Variants in ZC2HC1B observed in about 807,000 individuals in gnomAD.
ZC2HC1B encodes the protein zinc finger C2HC-type containing 1B.
In ZC2HC1B, 36 loss-of-function variants were observed where a neutral mutation model predicts 31.0. The ratio of observed to expected loss-of-function variants is 1.16; its 90% CI spans 0.89 to 1.54. The LOEUF (loss-of-function observed/expected upper bound fraction) is 1.54, where lower values mean the gene tolerates loss of function less well. ZC2HC1B is among the 40% of genes most tolerant of loss of function. ZC2HC1B has a pLI of 0.00. For missense variants in ZC2HC1B, 260 were observed against 268.6 expected, an observed-to-expected ratio of 0.97 and a Z score of 0.22; for synonymous variants, 73 against 88.0, an observed-to-expected ratio of 0.83 and a Z score of 0.95.
At position 143,884,342 on chromosome 6, in the gene ZC2HC1B, A is replaced by G; in HGVS notation, c.67A>G (p.Arg23Gly). ...ATTGTTTCCCTGTGAAGTCTGTGGA[A>G]GACGTTTTGCAGCAGATGTTCTGGT... ...QELFPCEVCG[R>G]RFAADVLERH... Residue 23 changes from arginine to glycine, a missense_variant, in exon 2 of 8, where the codon AGA becomes GGA. Coordinates refer to ENST00000237275, the MANE Select transcript of ZC2HC1B (RefSeq NM_001013623.3). The surrounding 1 kb of genome is among the most constrained non-coding windows in gnomAD (Gnocchi z 5.1). 6.5e-7 allele frequency: 1 copy of G among 1,535,332 alleles called. No individual in the cohort carries two copies. Among genetic ancestry groups the G allele is most frequent in the Non-Finnish European group, 8.8e-7 (1 of 1,134,776 alleles).
Position 143,903,955 on chromosome 6 carries a change from A to C in ZC2HC1B, c.598+803A>C, listed in dbSNP as rs535868910. On this transcript the variant is annotated intron_variant, in intron 6 of 7. Coordinates refer to ENST00000237275, the MANE Select transcript of ZC2HC1B (RefSeq NM_001013623.3). This position sits in a 1 kb window ranked among gnomAD's most constrained non-coding sequence, Gnocchi z 4.3. Reference sequence around the variant, plus strand: ...CTCCATCTGTAGTTGTTAAATCTGCAGATGTGGAACCCATGGGAACAGAGG... The same window carrying C: ...CTCCATCTGTAGTTGTTAAATCTGCCGATGTGGAACCCATGGGAACAGAGG... Among the ~76,000 whole-genome samples the C allele has an allele frequency of 1.3e-5, 2 of 152,302 alleles. No individual in the cohort carries two copies. Among genetic ancestry groups the C allele is most frequent in the Non-Finnish European group, 2.9e-5 (2 of 68,020 alleles).
Position 143,898,457 on chromosome 6 carries a change from T to C in ZC2HC1B, c.350-95T>C, listed in dbSNP as rs1347034542. The C allele has an allele frequency of 2.8e-6, 4 of 1,424,006 alleles. No individual in the cohort carries two copies. The East Asian group carries it at 7.5e-5, about 27-fold the overall frequency. The allele number at this position is 1,424,006 out of a possible 1,614,324, so 88.2% of individuals were successfully genotyped here. On this transcript the variant is annotated intron_variant, in intron 4 of 7. Transcript: ENST00000237275. ...ATTACTGGCATGAGCCATCATATCC[T>C]TATTTCACTTCATGTAGTTCATTCT...
At chr6:143,897,657 A>G (rs1308797318) in intron 4 of ZC2HC1B, among the ~76,000 whole-genome samples, 1 of 150,650 alleles carries the variant, frequency 6.6e-6, no homozygotes, top group Non-Finnish European at 1.5e-5. Flanking sequence ...TCCTATTACT[A>G]TCTCCTTCCT....
At chr6:143,876,896 A>G (rs1305725147) in intron 1 of ZC2HC1B, among the ~76,000 whole-genome samples, 2 of 150,270 alleles carry the variant, frequency 1.3e-5, no homozygotes, top group Admixed American at 6.6e-5. Context: ...GTGCCCACTG[A>G]GATTGAGGGT....
rs1465516851 is a variant in ZC2HC1B at position 143,905,784 on chromosome 6, A to C, written c.598+2632A>C. Among the ~76,000 whole-genome samples, 1 of 152,020 alleles carries C rather than the reference A, an allele frequency of 6.6e-6. No homozygotes were observed. The highest frequency in any genetic ancestry group is 2.4e-5 in the African/African-American group (1 of 41,422). ...CATGAAAGGGTGTTGAATTTTCTCA[A>C]ATGGTTTTTTTTGCATCAATTGAGA... On this transcript the variant is annotated intron_variant, in intron 6 of 7. Coordinates refer to ENST00000237275, the MANE Select transcript of ZC2HC1B (RefSeq NM_001013623.3). This position sits in a 1 kb window ranked among gnomAD's most constrained non-coding sequence, Gnocchi z 4.2.
intron 6 of ZC2HC1B, among the ~76,000 whole-genome samples, chr6:143,904,306 T>G (rs1007975450): frequency 6.6e-6 from 1 of 152,202 alleles, no homozygotes. Context: ...GGTTTATAAA[T>G]ATTCTTTTCT....
In ZC2HC1B at chr6:143,908,131, G is replaced by T. The variant is rs948765556; in HGVS notation, c.598+4979G>T. 2.0e-5 allele frequency among the ~76,000 whole-genome samples: 3 copies of T among 152,074 alleles called. No homozygotes were observed. The highest frequency in any genetic ancestry group is 1.3e-4 in the Admixed American group (2 of 15,264). On this transcript the variant is annotated intron_variant, in intron 6 of 7. Coordinates refer to ENST00000237275, the MANE Select transcript of ZC2HC1B (RefSeq NM_001013623.3). This position sits in a 1 kb window ranked among gnomAD's most constrained non-coding sequence, Gnocchi z 4.4. Reference sequence around the variant, plus strand: ...CTGGGTTCTCTATTCTGTTCCATTGGTCTCTGAGTCTTTTTGTACTAGTGT... The same window carrying T: ...CTGGGTTCTCTATTCTGTTCCATTGTTCTCTGAGTCTTTTTGTACTAGTGT...
rs768869348 is a variant in ZC2HC1B, at chr6:143,922,453, C to G, written c.599-15196C>G. On this transcript the variant is annotated intron_variant, in intron 6 of 7. Coordinates refer to ENST00000237275, the MANE Select transcript of ZC2HC1B (RefSeq NM_001013623.3). The surrounding 1 kb of genome is among the most constrained non-coding windows in gnomAD (Gnocchi z 5.0). The stretch of plus-strand genomic sequence containing the variant: ...TCTAACTGTATTTCGTACCTACTAA[C>G]CAACCTCTCCACCAGCACCCTGCCA... Among the ~76,000 whole-genome samples the G allele has an allele frequency of 2.0e-5, 3 of 152,160 alleles. No individual in the cohort carries two copies. Among genetic ancestry groups the G allele is most frequent in the African/African-American group, 7.2e-5 (3 of 41,432 alleles).
chr6:143,897,326 G>T (rs1159209624), intron 4 of ZC2HC1B, among the ~76,000 whole-genome samples: 1 of 149,642 alleles, frequency 6.7e-6, no homozygotes, highest in African/African-American at 2.5e-5. Context: ...ATCCCTTTAA[G>T]GTGCCTGAAA....
At chr6:143,867,183 C>T (rs1454467228) in intron 1 of ZC2HC1B, among the ~76,000 whole-genome samples, 1 of 152,144 alleles carries the variant, frequency 6.6e-6, no homozygotes, top group Non-Finnish European at 1.5e-5. Flanking sequence ...AAATCTGAAA[C>T]ACTTCTGGTC....
intron 4 of ZC2HC1B, among the ~76,000 whole-genome samples, chr6:143,894,519 C>T (rs1378208755): frequency 6.6e-6 from 1 of 152,190 alleles, no homozygotes; most frequent in Non-Finnish European, 1.5e-5. Context: ...CAAAAAGCCA[C>T]AGTGTAGTCA....
In ZC2HC1B at chr6:143,911,486, T is replaced by C. The variant is rs1193316058; in HGVS notation, c.598+8334T>C. ...TGGTGGTAACAAATTCCCTCATCAT[T>C]TGCTTGTCTGAAAAGGATGTTGTTT... is the stretch of plus-strand genomic sequence containing the variant. On this transcript the variant is annotated intron_variant, in intron 6 of 7. Coordinates refer to ENST00000237275, the MANE Select transcript of ZC2HC1B (RefSeq NM_001013623.3). This position sits in a 1 kb window ranked among gnomAD's most constrained non-coding sequence, Gnocchi z 4.5. Among the ~76,000 whole-genome samples, 1 of 152,226 alleles carries C rather than the reference T, an allele frequency of 6.6e-6. No homozygotes were observed. Among genetic ancestry groups the C allele is most frequent in the African/African-American group, 2.4e-5 (1 of 41,456 alleles).
chr6:143,882,348 A>T lies in ZC2HC1B; in HGVS notation c.29-1956A>T, dbSNP rs1053956784. ...TTTTATATTTTTTATATATATATAT[A>T]TATATATATATATATATATATTTAG... On this transcript the variant is annotated intron_variant, in intron 1 of 7. Transcript: ENST00000237275. 1.2e-4 allele frequency among the ~76,000 whole-genome samples: 16 copies of T among 135,994 alleles called. 1 individual carries two copies. The highest frequency in any genetic ancestry group is 4.4e-4 in the African/African-American group (15 of 33,824). The allele number at this position is 135,994 out of a possible 152,430, so 89.2% of individuals were successfully genotyped here. A position where few individuals can be genotyped will look rare whatever the true frequency, so the allele number is the denominator to read the frequency against.
In ZC2HC1B at chr6:143,872,814, T is replaced by G. The variant is rs1777358263; in HGVS notation, c.28+8247T>G. ...GGAAAGACCGGCCCCCATTTAGTTA[T>G]CTTCCTCTGGGTCCCTCCCACAACA... On this transcript the variant is annotated intron_variant, in intron 1 of 7. Transcript: ENST00000237275. The surrounding 1 kb of genome is among the most constrained non-coding windows in gnomAD (Gnocchi z 5.5). Among the ~76,000 whole-genome samples the G allele has an allele frequency of 6.6e-6, 1 of 152,146 alleles. No homozygotes were observed. The highest frequency in any genetic ancestry group is 1.5e-5 in the Non-Finnish European group (1 of 68,022).
chr6:143,867,789 A>G (rs1317756739), intron 1 of ZC2HC1B, among the ~76,000 whole-genome samples: 3 of 152,172 alleles, frequency 2.0e-5, no homozygotes, highest in Admixed American at 6.5e-5. Context: ...GTCTCTAATC[A>G]CACACCTCAA....
intron 6 of ZC2HC1B, among the ~76,000 whole-genome samples, chr6:143,912,782 G>A (rs1410174733): frequency 1.3e-5 from 2 of 152,172 alleles, no homozygotes; most frequent in African/African-American, 4.8e-5. Context: ...GTGCTGTATT[G>A]GAGATCCCTT....
chr6:143,886,706 C>G lies in ZC2HC1B; in HGVS notation c.234C>G (p.Asn78Lys), dbSNP rs1777533303. Residue 78 changes from asparagine to lysine, a missense_variant, in exon 4 of 8, where the codon AAC (asparagine) becomes AAG (lysine). Physicochemically the swap from Asn to Lys is moderately conservative, Grantham distance 94 (BLOSUM62 0). Coordinates refer to ENST00000237275, the MANE Select transcript of ZC2HC1B (RefSeq NM_001013623.3). The surrounding 1 kb of genome is among the most constrained non-coding windows in gnomAD (Gnocchi z 4.2). Reference sequence around the variant, plus strand: ...AGTCTCCACCTGTGAGGAAGTCTAACTGGAGACAACAACATGAAGACTTTA... The same window carrying G: ...AGTCTCCACCTGTGAGGAAGTCTAAGTGGAGACAACAACATGAAGACTTTA... The part of the protein sequence containing the change: ...QSKSPPVRKS[N>K]WRQQHEDFIN... 1.3e-6 allele frequency: 2 copies of G among 1,543,638 alleles called. No individual in the cohort carries two copies. Among genetic ancestry groups the G allele is most frequent in the Non-Finnish European group, 1.7e-6 (2 of 1,143,346 alleles).
rs1777533390 is a variant in ZC2HC1B at position 143,886,708 on chromosome 6, G to A, written c.236G>A (p.Trp79Ter). 2 of 1,544,350 alleles carry A rather than the reference G, an allele frequency of 1.3e-6. No individual in the cohort carries two copies. Among genetic ancestry groups the A allele is most frequent in the Non-Finnish European group, 8.7e-7 (1 of 1,143,674 alleles). The part of the protein sequence containing the change: ...SKSPPVRKSN[W>*]RQQHEDFINA... ...TCTCCACCTGTGAGGAAGTCTAACT[G>A]GAGACAACAACATGAAGACTTTATT... Residue 79 changes from tryptophan (W) to a stop codon, truncating the protein, a stop_gained, in exon 4 of 8, where the codon TGG (tryptophan) becomes TAG (stop). Transcript: ENST00000237275. LOFTEE classifies it high-confidence loss of function. The surrounding 1 kb of genome is among the most constrained non-coding windows in gnomAD (Gnocchi z 4.2).
chr6:143,919,407 G>A (rs775703396), intron 6 of ZC2HC1B, among the ~76,000 whole-genome samples: 5 of 151,900 alleles, frequency 3.3e-5, no homozygotes, highest in Non-Finnish European at 7.4e-5. Context: ...AAAAAACATT[G>A]TAGTTTTTAA....
Sources: gnomAD v4.1 joint callset for allele counts (sites outside exome capture counted in the v4.1 genomes callset) on GRCh38, gnomAD v4.1.1 for gene constraint, Gnocchi (gnomAD v3.1) non-coding constraint, MANE v1.5 for transcripts, NCBI Gene and HGNC (gene_info 2026-07-23, HGNC 2026-07-21) for gene names.